The following PCDH7 variants were observed in gnomAD, a reference collection of about 807,000 sequenced individuals.
PCDH7 encodes the protein protocadherin-7.
PCDH7 carries 17 observed loss-of-function variants against 58.9 expected under a neutral mutation model. That is an observed-to-expected ratio of 0.29 (90% CI 0.20 to 0.43). The LOEUF (loss-of-function observed/expected upper bound fraction) is 0.43. Among genes scored for constraint, PCDH7 ranks in the 20% least tolerant of loss-of-function variants. The pLI is 1.00. For missense variants in PCDH7, 1,274 were observed against 1,441.0 expected (o/e 0.88, Z 1.88); for synonymous variants, 664 against 616.4 (o/e 1.08, Z -1.14).
chr4:30,801,223 T>C (rs762950453), intron 1 of PCDH7, among the ~76,000 whole-genome samples: 4 of 152,186 alleles, frequency 2.6e-5, no homozygotes, highest in Non-Finnish European at 4.4e-5. Context: ...GATTTTAGTT[T>C]TGAACATTTT....
rs184056522 is a variant in PCDH7, at chr4:30,821,664, C to T, written c.70+97068C>T. ...TTCTTAGTCTTAAATAAGAGATACC[C>T]TTGCTTCTTCACAGATTTCCTTAAT... On this transcript the variant is annotated intron_variant, in intron 1 of 3. Coordinates refer to the PCDH7 transcript ENST00000509759. Among the ~76,000 whole-genome samples, 4 of 152,260 alleles carry T rather than the reference C, an allele frequency of 2.6e-5. No homozygotes were observed. In the East Asian group the frequency reaches 5.8e-4, roughly 22 times the overall value.
At position 30,721,340 on chromosome 4, in the gene PCDH7, G is replaced by A. The variant is rs1445135124; in HGVS notation, c.-83G>A. The A allele has an allele frequency of 1.8e-5, 24 of 1,303,550 alleles. No individual in the cohort carries two copies. Among genetic ancestry groups the A allele is most frequent in the South Asian group, 4.7e-5 (3 of 64,390 alleles). The allele number at this position is 1,303,550 out of a possible 1,614,324, so 80.7% of individuals were successfully genotyped here. ...CCGGGAGAGGGGAGAGGACTCGGGG[G>A]AGGGCAGGCGGCCGGCCCCGGAGGA... On this transcript the variant is annotated 5_prime_UTR_variant, in exon 1 of 2. Transcript: ENST00000361762. The surrounding 1 kb of genome is among the most constrained non-coding windows in gnomAD (Gnocchi z 6.7).
intron 1 of PCDH7, among the ~76,000 whole-genome samples, chr4:30,820,049 T>A (rs551352038): frequency 3.3e-5 from 5 of 152,122 alleles, no homozygotes; most frequent in African/African-American, 1.2e-4. Context: ...AGATTCAACA[T>A]CCAAAATAAT....
downstream of PCDH7, among the ~76,000 whole-genome samples, chr4:30,736,225 T>G: frequency 6.6e-6 from 1 of 151,982 alleles, no homozygotes; most frequent in East Asian, 1.9e-4. Context: ...CTTGAAAAAA[T>G]ACAAATAACA....
In PCDH7 at chr4:30,834,062, G is replaced by A. The variant is rs146661130; in HGVS notation, c.71-86091G>A. ...TGCCATTTTCCTTTATATTTCTTACGTGTTCAGTGAAGTCATAAGCTCTTT... is the reference window on the plus strand; with the variant it reads ...TGCCATTTTCCTTTATATTTCTTACATGTTCAGTGAAGTCATAAGCTCTTT... On this transcript the variant is annotated intron_variant, in intron 1 of 3. Coordinates refer to the PCDH7 transcript ENST00000509759. Among the ~76,000 whole-genome samples, 347 of 152,128 alleles carry A rather than the reference G, an allele frequency of 2.3e-3. 3 individuals are homozygous for A. The highest frequency in any genetic ancestry group is 7.5e-3 in the African/African-American group (311 of 41,512).
intron 3 of PCDH7, among the ~76,000 whole-genome samples, chr4:31,102,191 C>CT (rs74712205): frequency 8.5e-4 from 123 of 144,408 alleles, no homozygotes; most frequent in Middle Eastern, 7.1e-3. Flanking sequence ...TATTATGATC[C>CT]TTTTTTTTTT....
chr4:30,809,377 T>A (rs1431160817), intron 1 of PCDH7, among the ~76,000 whole-genome samples: 1 of 152,116 alleles, frequency 6.6e-6, no homozygotes, highest in Non-Finnish European at 1.5e-5. Context: ...ATTCCTGACC[T>A]TGTTATTTTG....
chr4:31,138,917 G>A (rs917896417), intron 3 of PCDH7, among the ~76,000 whole-genome samples: 3 of 151,334 alleles, frequency 2.0e-5, no homozygotes, highest in Non-Finnish European at 2.9e-5. Flanking sequence ...CAGAGGTTGC[G>A]GTGAGGCAAG....
chr4:31,111,266 G>A (rs1310385373), intron 3 of PCDH7, among the ~76,000 whole-genome samples: 7 of 151,090 alleles, frequency 4.6e-5, no homozygotes, highest in Admixed American at 4.6e-4. Context: ...AACCTTTTCA[G>A]TAATTTACTA....
chr4:30,981,397 G>A (rs1232426092), intron 3 of PCDH7, among the ~76,000 whole-genome samples: 3 of 152,120 alleles, frequency 2.0e-5, no homozygotes, highest in Non-Finnish European at 2.9e-5. Context: ...TTTGGATGCC[G>A]AGATTTATGA....
chr4:30,752,715 A>T (rs148911574), intron 1 of PCDH7, among the ~76,000 whole-genome samples: 107 of 148,358 alleles, frequency 7.2e-4, no homozygotes, highest in Non-Finnish European at 1.4e-3. Context: ...GTGACTAAAG[A>T]AGTTTGTGAC....
At chr4:30,788,149 C>G (rs911498597) in intron 1 of PCDH7, among the ~76,000 whole-genome samples, 56 of 152,168 alleles carry the variant, frequency 3.7e-4, no homozygotes, top group African/African-American at 1.3e-3. Flanking sequence ...AGGGAAATAT[C>G]TGTGTTCTAA....
At chr4:31,079,351 T>TATATATATATAGATATATAG (rs1759302466) in intron 3 of PCDH7, among the ~76,000 whole-genome samples, 1 of 83,504 alleles carries the variant, frequency 1.2e-5, no homozygotes, top group Non-Finnish European at 2.3e-5. Flanking sequence ...TATATATATA[T>TATATATATATAGATATATAG]ATATATATAT....
chr4:31,013,705 G>A (rs769087023), intron 3 of PCDH7, among the ~76,000 whole-genome samples: 18 of 151,898 alleles, frequency 1.2e-4, no homozygotes, highest in Middle Eastern at 3.4e-3. Flanking sequence ...TCACATAAAT[G>A]TTATGTGTTT....
At chr4:30,824,026 G>A (rs927997142) in intron 1 of PCDH7, among the ~76,000 whole-genome samples, 2 of 152,138 alleles carry the variant, frequency 1.3e-5, no homozygotes, top group Non-Finnish European at 2.9e-5. Flanking sequence ...AGCAAAGGCA[G>A]AGCCACTCTT....
downstream of PCDH7, chr4:31,144,985 T>C (rs541937338): frequency 7.5e-4 from 114 of 152,230 alleles, 1 homozygote; most frequent in African/African-American, 2.7e-3. Context: ...ACTTATGAAA[T>C]GTATACACAT....
intron 1 of PCDH7, among the ~76,000 whole-genome samples, chr4:30,859,501 G>A (rs189911164): frequency 6.6e-6 from 1 of 150,676 alleles, no homozygotes; most frequent in East Asian, 2.0e-4. Context: ...GTGCAGTGGT[G>A]CAATCTCGAC....
At chr4:30,824,514 A>G (rs563102107) in intron 1 of PCDH7, among the ~76,000 whole-genome samples, 14 of 152,084 alleles carry the variant, frequency 9.2e-5, no homozygotes, top group Admixed American at 2.6e-4. Context: ...ACCAATCACA[A>G]CTAGTTGATA....
At chr4:30,874,621 C>T (rs1736054061) in intron 1 of PCDH7, among the ~76,000 whole-genome samples, 1 of 151,098 alleles carries the variant, frequency 6.6e-6, no homozygotes, top group African/African-American at 2.4e-5. Flanking sequence ...AGCACACCAG[C>T]ATGGCACATG....
Sources: allele counts gnomAD v4.1 joint callset (sites outside exome capture counted in the v4.1 genomes callset), GRCh38; gene constraint gnomAD v4.1.1; non-coding constraint Gnocchi (gnomAD v3.1); transcripts MANE v1.5; gene names NCBI Gene and HGNC (gene_info 2026-07-23, HGNC 2026-07-21).